The following VPS13D variants were observed in gnomAD, a reference collection of about 807,000 sequenced individuals.
VPS13D encodes the protein vacuolar protein sorting 13 homolog D, also known as intermembrane lipid transfer protein VPS13D.
Under a neutral mutation model 461.9 loss-of-function variants are expected in VPS13D, and 187 were observed. That is an observed-to-expected ratio of 0.40 (90% confidence interval 0.36 to 0.46). The LOEUF is 0.46. VPS13D is among the 20% of genes least tolerant of loss of function. The pLI is 0.60. For synonymous variants in VPS13D, 1,951 were observed against 1,986.3 expected, an observed-to-expected ratio of 0.98 and a Z score of 0.47; for missense variants, 4,711 against 5,364.9, an observed-to-expected ratio of 0.88 and a Z score of 3.81.
At chr1:12,503,672 C>A (rs1351078730) in intron 68 of VPS13D, among the ~76,000 whole-genome samples, 1 of 152,130 alleles carries the variant, frequency 6.6e-6, no homozygotes, top group Admixed American at 6.5e-5. Context: ...TTTTTTTGCT[C>A]CCCTTTCCTC....
At chr1:12,288,766 C>T (rs1642045779) in intron 22 of VPS13D, among the ~76,000 whole-genome samples, 2 of 152,008 alleles carry the variant, frequency 1.3e-5, no homozygotes, top group African/African-American at 4.8e-5. Flanking sequence ...ATGACTGCAT[C>T]TAGAGTCATA....
chr1:12,312,832 G>A (rs1642791898), intron 29 of VPS13D, among the ~76,000 whole-genome samples: 3 of 152,184 alleles, frequency 2.0e-5, no homozygotes, highest in Admixed American at 6.5e-5. Context: ...GGAAGCTTTG[G>A]CAATACTAGG....
rs1283285107 is a variant in VPS13D, at chr1:12,303,556, AT to A, written c.6217-949del. 2.5e-4 allele frequency among the ~76,000 whole-genome samples: 38 copies of A among 152,376 alleles called. 2 individuals carry two copies. The highest frequency in any genetic ancestry group is 2.1e-3 in the Admixed American group (32 of 15,302). The stretch of plus-strand genomic sequence containing the variant: ...ACCTAGTAATCTGCCTTGCAAAAAA[AT>A]AAAAAAATTGCAGAAAGCAAGAACT... On this transcript the variant is annotated intron_variant, in intron 25 of 69. Transcript: ENST00000620676.
chr1:12,368,178 C>T (rs1341806176), intron 52 of VPS13D, among the ~76,000 whole-genome samples: 2 of 152,224 alleles, frequency 1.3e-5, no homozygotes, highest in Admixed American at 1.3e-4. Context: ...TATATATACA[C>T]ACACACATAC....
intron 31 of VPS13D, among the ~76,000 whole-genome samples, 153 bp from the exon 32 acceptor site, chr1:12,319,344 A>G (rs902789043): frequency 3.9e-5 from 6 of 152,228 alleles, no homozygotes. Flanking sequence ...GTTCAGGATG[A>G]CACTGTTAGT....
At position 12,268,853 on chromosome 1, in the gene VPS13D, A is replaced by G; in HGVS notation, c.1949A>G (p.Tyr650Cys). The change falls in exon 16 of 70, where the codon TAC (tyrosine) becomes TGC (cysteine). Residue 650 changes from tyrosine to cysteine, a missense_variant. Physicochemically the swap from Tyr to Cys is radical, Grantham distance 194 (BLOSUM62 -2). This residue lies in a region of VPS13D where 4,411 missense variants were observed against 4,937.8 expected (regional missense o/e 0.89). Transcript: ENST00000620676. ...QAIKKVADFFYKGKVHTSGFG... is the reference protein window; with the variant it reads ...QAIKKVADFFCKGKVHTSGFG... ...ATTAAAAAAGTAGCAGACTTTTTCT[A>G]CAAGGGAAAGGTTCATACCTCAGGT... The G allele has an allele frequency of 6.2e-7, 1 of 1,613,250 alleles. No individual in the cohort carries two copies.
chr1:12,310,110 A>AT (rs753747639), intron 27 of VPS13D, among the ~76,000 whole-genome samples: 7 of 152,148 alleles, frequency 4.6e-5, no homozygotes, highest in Non-Finnish European at 1.0e-4. Context: ...ACAAAAAAAA[A>AT]GCTTTCCTAT....
chr1:12,343,200 C>T (rs370228552), intron 42 of VPS13D, 149 bp downstream of exon 42: 3 of 632,544 alleles, frequency 4.7e-6, no homozygotes, highest in Non-Finnish European at 6.4e-6. Flanking sequence ...GAGACAGGGT[C>T]TTCTTGCTCT....
At chr1:12,435,411 T>C (rs115735553) in intron 65 of VPS13D, among the ~76,000 whole-genome samples, 5,026 of 152,196 alleles carry the variant, frequency 0.033, 164 homozygotes, top group Admixed American at 0.11. Context: ...CAGTGAGCTG[T>C]GTTTGCACCA....
chr1:12,316,995 T>TC (rs1221432332), intron 30 of VPS13D, among the ~76,000 whole-genome samples: 12 of 149,816 alleles, frequency 8.0e-5, no homozygotes, highest in African/African-American at 2.2e-4. Context: ...TGGCAACTTG[T>TC]CCCCCCACCC....
chr1:12,318,425 C>G (rs1642946800), intron 31 of VPS13D, 88 bp downstream of exon 31: 2 of 1,482,314 alleles, frequency 1.3e-6, no homozygotes. Flanking sequence ...CTTTTGCCTC[C>G]CATTTTTCAC....
intron 30 of VPS13D, among the ~76,000 whole-genome samples, chr1:12,316,459 A>C (rs887224429): frequency 6.6e-6 from 1 of 152,184 alleles, no homozygotes; most frequent in Non-Finnish European, 1.5e-5. Flanking sequence ...GATCCAACAC[A>C]CTGTGACTTT....
At chr1:12,356,309 C>T in intron 48 of VPS13D, 89 bp from the exon 49 acceptor site, 1 of 1,484,758 alleles carries the variant, frequency 6.7e-7, no homozygotes, top group African/African-American at 1.4e-5. Context: ...TCACTCTTTT[C>T]CCGCTTGATG....
At chr1:12,483,795 C>T (rs923783000) in intron 67 of VPS13D, among the ~76,000 whole-genome samples, 6 of 151,726 alleles carry the variant, frequency 4.0e-5, no homozygotes, top group African/African-American at 7.3e-5. Context: ...GTCAGGAGTT[C>T]GAGACCAGCC....
intron 65 of VPS13D, among the ~76,000 whole-genome samples, chr1:12,445,090 C>T (rs1645176466): frequency 6.6e-6 from 1 of 152,072 alleles, no homozygotes; most frequent in African/African-American, 2.4e-5. Context: ...TTGGGATAGA[C>T]AATAGAAAGA....
intron 67 of VPS13D, among the ~76,000 whole-genome samples, chr1:12,465,919 G>A (rs1350087239): frequency 1.3e-5 from 2 of 151,978 alleles, no homozygotes; most frequent in Admixed American, 1.3e-4. Flanking sequence ...GGCGGATCAC[G>A]AGGTCAAGAG....
chr1:12,410,168 G>T (rs1275481348), intron 63 of VPS13D, among the ~76,000 whole-genome samples: 3 of 152,192 alleles, frequency 2.0e-5, no homozygotes, highest in Admixed American at 6.5e-5. Flanking sequence ...TGAGATATTT[G>T]ATGATTTCTA....
intron 66 of VPS13D, among the ~76,000 whole-genome samples, chr1:12,459,569 C>T (rs1645380029): frequency 6.6e-6 from 1 of 151,240 alleles, no homozygotes; most frequent in Non-Finnish European, 1.5e-5. Flanking sequence ...ACCTCTGCCT[C>T]CTGGGTTCAA....
chr1:12,449,619 A>G (rs1479754551), intron 65 of VPS13D, among the ~76,000 whole-genome samples: 1 of 152,214 alleles, frequency 6.6e-6, no homozygotes, highest in Admixed American at 6.5e-5. Flanking sequence ...ATATTTTGAC[A>G]GTATGAAACG....
Sources: allele counts gnomAD v4.1 joint callset (sites outside exome capture counted in the v4.1 genomes callset), GRCh38; gene constraint gnomAD v4.1.1; regional missense constraint gnomAD v4.1.1; transcripts MANE v1.5; gene names NCBI Gene and HGNC (gene_info 2026-07-23, HGNC 2026-07-21).